The following RCN2 variants were observed in gnomAD, a reference collection of about 807,000 sequenced individuals.
RCN2 encodes the protein reticulocalbin 2.
In RCN2, 23 loss-of-function variants were observed where a neutral mutation model predicts 37.5. That is an observed-to-expected ratio of 0.61 (90% CI 0.44 to 0.87). The LOEUF (loss-of-function observed/expected upper bound fraction) is 0.87. Ranked by LOEUF, RCN2 falls within the 40% of genes least tolerant of loss-of-function variation. The pLI is 0.00. For missense variants in RCN2, 381 were observed against 390.4 expected (o/e 0.98, Z 0.20); for synonymous variants, 140 against 144.6 (o/e 0.97, Z 0.23).
At position 76,949,397 on chromosome 15, in the gene RCN2, A is replaced by G; in HGVS notation, c.*175A>G. 1 of 459,446 alleles carries G rather than the reference A, an allele frequency of 2.2e-6. No individual in the cohort carries two copies. 28.5% of individuals were successfully genotyped at this position (459,446 alleles called of 1,614,324 possible). A position where few individuals can be genotyped will look rare whatever the true frequency, so the allele number is the denominator to read the frequency against. ...TAGGAAAAAAAAACAAAAATCTGAT[A>G]TTTATTTCAAAATGTATTGAAGCAA... is the stretch of plus-strand genomic sequence containing the variant. On this transcript the variant is annotated 3_prime_UTR_variant, in exon 7 of 7. Transcript: ENST00000394885.
chr15:76,933,850 G>T (rs969404296), intron 2 of RCN2, among the ~76,000 whole-genome samples: 3 of 152,194 alleles, frequency 2.0e-5, no homozygotes, highest in Non-Finnish European at 4.4e-5. Flanking sequence ...TGAGGGCCAG[G>T]TCTGGAATCA....
chr15:76,944,562 A>G (rs1030646000), intron 4 of RCN2, among the ~76,000 whole-genome samples: 3 of 152,014 alleles, frequency 2.0e-5, no homozygotes, highest in Non-Finnish European at 2.9e-5. Flanking sequence ...TCTACCGTCT[A>G]TGTCCATGAG....
At chr15:76,932,736 T>C (rs2075230036) in intron 2 of RCN2, among the ~76,000 whole-genome samples, 1 of 152,246 alleles carries the variant, frequency 6.6e-6, no homozygotes, top group African/African-American at 2.4e-5. Flanking sequence ...CACGTGACTT[T>C]TGTTAGTGTC....
rs185288964 is a variant in RCN2 at position 76,937,024 on chromosome 15, A to C, written c.447+1302A>C. Among the ~76,000 whole-genome samples, 279 of 152,336 alleles carry C rather than the reference A, an allele frequency of 1.8e-3. 1 individual carries two copies. Among genetic ancestry groups the C allele is most frequent in the Non-Finnish European group, 2.5e-3 (170 of 68,022 alleles). On this transcript the variant is annotated intron_variant, in intron 3 of 6. Transcript: ENST00000394885. The stretch of plus-strand genomic sequence containing the variant: ...TACTCTAGGTACCTCATCTAAGTAG[A>C]ATCATACGCCGTATTTGTCTTTGTA...
rs1164447274 is a variant in RCN2 at position 76,932,424 on chromosome 15, A to G, written c.208A>G (p.Ile70Val). The G allele has an allele frequency of 2.5e-6, 4 of 1,614,012 alleles. No homozygotes were observed. In the South Asian group the frequency reaches 4.4e-5, roughly 18 times the overall value. The part of the protein sequence containing the change: ...EEQQKRLQAI[I>V]KKIDLDSDGF... ...GCAGCAAAAAAGACTGCAGGCGATC[A>G]TAAAGAAAATCGACTTGGACTCAGA... The change falls in exon 2 of 7, where the codon ATA becomes GTA. Residue 70 changes from isoleucine to valine, a missense_variant. Coordinates refer to ENST00000394885, the MANE Select transcript of RCN2 (RefSeq NM_002902.3).
chr15:76,948,538 A>C lies in RCN2; in HGVS notation c.787A>C (p.Ile263Leu). 1 of 1,579,800 alleles carries C rather than the reference A, an allele frequency of 6.3e-7. No homozygotes were observed. Among genetic ancestry groups the C allele is most frequent in the Non-Finnish European group, 8.6e-7 (1 of 1,159,976 alleles). The change falls in exon 6 of 7, where the codon ATT becomes CTT. Residue 263 changes from isoleucine to leucine, a missense_variant. Coordinates refer to ENST00000394885, the MANE Select transcript of RCN2 (RefSeq NM_002902.3). The stretch of plus-strand genomic sequence containing the variant: ...TTGGGTAGTACCTAATAATCAGGGC[A>C]TTGCACAAGAGGAGGTAAGTGTTAC... The part of the protein sequence containing the change: ...LPWVVPNNQG[I>L]AQEEALHLID...
At position 76,935,251 on chromosome 15, in the gene RCN2, A is replaced by C. The variant is rs62027275; in HGVS notation, c.251-275A>C. 6.6e-3 allele frequency among the ~76,000 whole-genome samples: 998 copies of C among 152,282 alleles called. 9 individuals are homozygous for C. The highest frequency in any genetic ancestry group is 0.011 in the Non-Finnish European group (726 of 68,018). On this transcript the variant is annotated intron_variant, in intron 2 of 6. Transcript: ENST00000394885. ...AGGCAGGAGAATCGTTTGAACCGGG[A>C]GGCAGAGGTTGCAGTGAGCTGAGAT...
chr15:76,947,476 T>G lies in RCN2; in HGVS notation c.617T>G (p.Val206Gly). ...EEHDKNGDGF[V>G]SLEEFLGDYR... ...CATGACAAAAATGGTGATGGATTTG[T>G]TAGTTTGGAAGAATTTCTTGGTGAT... Residue 206 changes from valine (V) to glycine (G), a missense_variant, in exon 5 of 7, where the codon GTT becomes GGT. Physicochemically the swap from Val to Gly is moderately radical, Grantham distance 109. Transcript: ENST00000394885. 2 of 1,610,202 alleles carry G rather than the reference T, an allele frequency of 1.2e-6. No individual in the cohort carries two copies. Among genetic ancestry groups the G allele is most frequent in the Non-Finnish European group, 1.7e-6 (2 of 1,178,262 alleles).
rs142432350 is a variant in RCN2, at chr15:76,944,929, T to C, written c.561+1058T>C. Among the ~76,000 whole-genome samples the C allele has an allele frequency of 9.4e-3, 1,434 of 152,312 alleles. 7 individuals are homozygous for C. Among genetic ancestry groups the C allele is most frequent in the Non-Finnish European group, 0.014 (964 of 68,032 alleles). ...TTGCTGGATCATATGGTAGCTCTAT[T>C]TTTAGTTTTTTGAGGAACCTCCAAA... On this transcript the variant is annotated intron_variant, in intron 4 of 6. Transcript: ENST00000394885.
chr15:76,938,394 A>G (rs369005475), intron 3 of RCN2, among the ~76,000 whole-genome samples: 2 of 152,156 alleles, frequency 1.3e-5, no homozygotes, highest in African/African-American at 4.8e-5. Flanking sequence ...TATATCAGGG[A>G]ATTGAGTATC....
At chr15:76,941,414 CATT>C (rs1010107695) in intron 3 of RCN2, 2 of 372,594 alleles carry the variant, frequency 5.4e-6, no homozygotes, top group Non-Finnish European at 9.6e-6. Flanking sequence ...TAGTATCACA[CATT>C]ATATATTTCC....
intron 3 of RCN2, among the ~76,000 whole-genome samples, chr15:76,939,149 C>T (rs1055519387): frequency 3.3e-5 from 5 of 152,110 alleles, no homozygotes; most frequent in African/African-American, 4.8e-5. Context: ...GAAGATTGCT[C>T]GAGCCCAGGC....
At chr15:76,947,387 C>T in intron 4 of RCN2, 34 bp from the exon 5 acceptor site, 2 of 1,275,862 alleles carry the variant, frequency 1.6e-6, no homozygotes, top group Admixed American at 2.2e-5. Flanking sequence ...CATTTTGTAA[C>T]TTTTTTTTTT....
At chr15:76,932,328 C>T in intron 1 of RCN2, 33 bp from the exon 2 acceptor site, 1 of 1,527,338 alleles carries the variant, frequency 6.5e-7, no homozygotes, top group Non-Finnish European at 9.1e-7. Context: ...GATAGTAATG[C>T]TTGGCCCTCC....
chr15:76,943,873 TAAGA>T lies in RCN2; in HGVS notation c.561+9_561+12del, dbSNP rs750529133. The T allele has an allele frequency of 7.8e-5, 118 of 1,513,796 alleles. No homozygotes were observed. Among genetic ancestry groups the T allele is most frequent in the Non-Finnish European group, 9.4e-5 (103 of 1,098,858 alleles). The allele number at this position is 1,513,796 out of a possible 1,614,324, so 93.8% of individuals were successfully genotyped here. On this transcript the variant is annotated splice_donor_5th_base_variant and intron_variant, in intron 4 of 6. Transcript: ENST00000394885. ...CCTGAAGAAGTTGATTATATGACGG[TAAGA>T]AAGAAACATTTTTAAGAGAATTATT...
intron 3 of RCN2, among the ~76,000 whole-genome samples, chr15:76,940,162 CAT>C (rs1294135791): frequency 6.6e-6 from 1 of 151,114 alleles, no homozygotes; most frequent in African/African-American, 2.4e-5. Flanking sequence ...AAGTTCTAAT[CAT>C]ATGTTTTTAG....
chr15:76,941,475 C>G, intron 3 of RCN2: 3 of 425,266 alleles, frequency 7.1e-6, no homozygotes, highest in Non-Finnish European at 1.3e-5. Context: ...TTGTTCCTCA[C>G]AAGTTTCTGT....
At chr15:76,940,395 TG>T (rs2075271896) in intron 3 of RCN2, among the ~76,000 whole-genome samples, 1 of 151,906 alleles carries the variant, frequency 6.6e-6, no homozygotes, top group African/African-American at 2.4e-5. Context: ...AAATAACGGA[TG>T]AGGAATGAAT....
rs762930236 is a variant in RCN2, at chr15:76,932,362, A to G, written c.146A>G (p.Glu49Gly). The change falls in exon 2 of 7, where the codon GAA (glutamate) becomes GGA (glycine). Residue 49 changes from glutamate (E) to glycine (G), a missense_variant and splice_region_variant. By Grantham distance (98) the Glu-to-Gly change is moderately conservative (BLOSUM62 -2). Coordinates refer to ENST00000394885, the MANE Select transcript of RCN2 (RefSeq NM_002902.3). Reference protein sequence around the residue: ...YDREALLGVQEDVDEYVKLGH... With the variant: ...YDREALLGVQGDVDEYVKLGH... ...CCTGTGTGTCGCTTCCCCCTAAAGG[A>G]AGATGTGGATGAATATGTTAAACTC... 3 of 1,611,910 alleles carry G rather than the reference A, an allele frequency of 1.9e-6. No individual in the cohort carries two copies. In the East Asian group the frequency reaches 6.7e-5, roughly 36 times the overall value.
Sources: allele counts gnomAD v4.1 joint callset (sites outside exome capture counted in the v4.1 genomes callset), GRCh38; gene constraint gnomAD v4.1.1; transcripts MANE v1.5; gene names NCBI Gene and HGNC (gene_info 2026-07-23, HGNC 2026-07-21).